Variants in FERMT2 observed in about 807,000 individuals in gnomAD.
FERMT2 encodes the protein FERM domain containing kindlin 2, also known as fermitin family homolog 2.
In FERMT2, 15 loss-of-function variants were observed where a neutral mutation model predicts 82.7. The observed-to-expected ratio is 0.18, with a 90% CI of 0.12 to 0.28. FERMT2 has a LOEUF of 0.28. FERMT2 is among the 10% of genes least tolerant of loss of function. FERMT2 has a pLI of 1.00. For synonymous variants in FERMT2, 274 were observed against 271.5 expected (o/e 1.01, Z -0.09); for missense variants, 645 against 809.4 (o/e 0.80, Z 2.46).
intron 3 of FERMT2, among the ~76,000 whole-genome samples, chr14:52,917,019 G>A (rs939442035): frequency 3.3e-5 from 5 of 152,170 alleles, no homozygotes; most frequent in African/African-American, 1.2e-4. Flanking sequence ...ATAATCAAGT[G>A]TTAGTGAGGA....
chr14:52,861,054 G>C, intron 12 of FERMT2: 2 of 1,483,078 alleles, frequency 1.3e-6, no homozygotes, highest in South Asian at 2.8e-5. Flanking sequence ...GCAATGCGAG[G>C]AAAGAAAAAG....
At chr14:52,868,215 A>ATT (rs5808693) in intron 10 of FERMT2, among the ~76,000 whole-genome samples, 4,755 of 143,584 alleles carry the variant, frequency 0.033, 143 homozygotes, top group South Asian at 0.049. Context: ...CTCTCTAGGC[A>ATT]TTTTTTTTTT....
intron 2 of FERMT2, among the ~76,000 whole-genome samples, chr14:52,941,896 TC>T (rs1020068115): frequency 6.6e-6 from 1 of 152,202 alleles, no homozygotes; most frequent in Non-Finnish European, 1.5e-5. Context: ...CACTTATTGG[TC>T]CCCTGCATTT....
chr14:52,947,044 A>C (rs1025508802), intron 2 of FERMT2, among the ~76,000 whole-genome samples: 11 of 152,204 alleles, frequency 7.2e-5, no homozygotes, highest in Non-Finnish European at 1.3e-4. Context: ...TTATTTATGA[A>C]GTATCAGCCT....
intron 3 of FERMT2, among the ~76,000 whole-genome samples, chr14:52,908,774 A>C (rs1450880482): frequency 6.6e-6 from 1 of 152,166 alleles, no homozygotes. Flanking sequence ...TACCTTAACA[A>C]AGCTGATCAA....
intron 3 of FERMT2, among the ~76,000 whole-genome samples, chr14:52,908,342 G>A (rs1016509723): frequency 6.6e-6 from 1 of 152,150 alleles, no homozygotes; most frequent in African/African-American, 2.4e-5. Flanking sequence ...TTGTTCTTGA[G>A]TAAATACCTA....
chr14:52,929,138 C>CA (rs947293606), intron 2 of FERMT2, among the ~76,000 whole-genome samples: 6 of 151,948 alleles, frequency 3.9e-5, no homozygotes, highest in Non-Finnish European at 7.4e-5. Flanking sequence ...TTTTTCTTAT[C>CA]CCTACTCTTA....
At chr14:52,906,968 A>C (rs1302270969) in intron 3 of FERMT2, among the ~76,000 whole-genome samples, 1 of 148,710 alleles carries the variant, frequency 6.7e-6, no homozygotes, top group Non-Finnish European at 1.5e-5. Flanking sequence ...GGGAATTTAG[A>C]ATTCTTCTCC....
chr14:52,923,358 T>C (rs1889071534), intron 2 of FERMT2, among the ~76,000 whole-genome samples: 1 of 152,112 alleles, frequency 6.6e-6, no homozygotes, highest in South Asian at 2.1e-4. Context: ...ACAGACTGCA[T>C]GGCGGCCCAC....
At chr14:52,940,755 A>C in intron 2 of FERMT2, among the ~76,000 whole-genome samples, 1 of 152,210 alleles carries the variant, frequency 6.6e-6, no homozygotes, top group South Asian at 2.1e-4. Context: ...TGGAAATGCA[A>C]ATTAAAATCA....
At chr14:52,944,835 G>A (rs982739508) in intron 2 of FERMT2, among the ~76,000 whole-genome samples, 1 of 152,048 alleles carries the variant, frequency 6.6e-6, no homozygotes, top group African/African-American at 2.4e-5. Flanking sequence ...GCAAGAACAT[G>A]ACACACTTTT....
At position 52,872,827 on chromosome 14, in the gene FERMT2, G is replaced by T. The variant is rs1248112180; in HGVS notation, c.1245C>A (p.Gly415=). 1 of 1,613,874 alleles carries T rather than the reference G, an allele frequency of 6.2e-7. No individual in the cohort carries two copies. The highest frequency in any genetic ancestry group is 1.1e-5 in the South Asian group (1 of 91,066). The part of the protein sequence containing the change: ...SCYKSKEESS[G]TPAHQMNLRG... ...TGAGGTTCATCTGATGAGCTGGTGT[G>T]CCACTGGATTCTTCTTTGCTCTTAT... Residue 415 remains glycine, a synonymous_variant, in exon 10 of 15, where the codon GGC becomes GGA. Coordinates refer to ENST00000341590, the MANE Select transcript of FERMT2 (RefSeq NM_006832.3).
At chr14:52,950,034 T>G (rs1160216034) in intron 2 of FERMT2, among the ~76,000 whole-genome samples, 2 of 152,222 alleles carry the variant, frequency 1.3e-5, no homozygotes, top group East Asian at 3.8e-4. Flanking sequence ...TCAGGTATGC[T>G]GAAGACATAG....
chr14:52,933,647 T>C (rs1251315132), intron 2 of FERMT2, among the ~76,000 whole-genome samples: 2 of 136,598 alleles, frequency 1.5e-5, no homozygotes, highest in Admixed American at 8.3e-5. Flanking sequence ...GAGGTGGAGG[T>C]TGTGGTGAGC....
intron 2 of FERMT2, among the ~76,000 whole-genome samples, chr14:52,927,227 A>G (rs528257274): frequency 6.6e-6 from 1 of 152,264 alleles, no homozygotes; most frequent in South Asian, 2.1e-4. Context: ...TCTACCAAAC[A>G]GCTTTTGGTA....
intron 2 of FERMT2, among the ~76,000 whole-genome samples, chr14:52,934,857 C>A (rs912439582): frequency 6.6e-6 from 1 of 152,140 alleles, no homozygotes; most frequent in Non-Finnish European, 1.5e-5. Flanking sequence ...TCATGAGTTT[C>A]TCATGGGGGA....
chr14:52,860,537 A>G lies in FERMT2; in HGVS notation c.1603-72T>C, dbSNP rs886124095. ...ATGGGAGAACTGAGACAAAAGATCA[A>G]AAGATTGAATTACGCACCCCGTACC... On this transcript the variant is annotated intron_variant, in intron 12 of 14. Transcript: ENST00000341590. 4 of 1,420,006 alleles carry G rather than the reference A, an allele frequency of 2.8e-6. No homozygotes were observed. In the Admixed American group the frequency reaches 6.7e-5, roughly 24 times the overall value. The allele number at this position is 1,420,006 out of a possible 1,614,324, so 88.0% of individuals were successfully genotyped here.
chr14:52,943,772 G>A (rs558019514), intron 2 of FERMT2, among the ~76,000 whole-genome samples: 12 of 152,304 alleles, frequency 7.9e-5, no homozygotes, highest in Middle Eastern at 3.4e-3. Context: ...TGAAGATTAC[G>A]CAGTGTTCAC....
intron 2 of FERMT2, among the ~76,000 whole-genome samples, chr14:52,930,433 C>G (rs896498402): frequency 1.3e-5 from 2 of 152,156 alleles, no homozygotes; most frequent in African/African-American, 4.8e-5. Context: ...TCTACCTTAC[C>G]AACTGTATCA....
Sources: allele counts gnomAD v4.1 joint callset (sites outside exome capture counted in the v4.1 genomes callset), GRCh38; gene constraint gnomAD v4.1.1; transcripts MANE v1.5; gene names NCBI Gene and HGNC (gene_info 2026-07-23, HGNC 2026-07-21).